DIS3L2: variants seen among roughly 807,000 people sequenced by gnomAD.
DIS3L2 encodes DIS3 like 3'-5' exoribonuclease 2.
DIS3L2 carries 34 observed loss-of-function variants against 97.5 expected under a neutral mutation model. The observed-to-expected ratio is 0.35, with a 90% CI of 0.27 to 0.46. DIS3L2 has a LOEUF of 0.46. Ranked by LOEUF, DIS3L2 falls within the 20% of genes least tolerant of loss-of-function variation. The pLI is 1.00. For missense variants in DIS3L2, 1,038 were observed against 1,146.0 expected (o/e 0.91, Z 1.36); for synonymous variants, 435 against 445.2 (o/e 0.98, Z 0.29).
intron 8 of DIS3L2, among the ~76,000 whole-genome samples, chr2:232,141,657 G>A (rs1439025994): frequency 6.6e-6 from 1 of 152,122 alleles, no homozygotes; most frequent in Non-Finnish European, 1.5e-5. Context: ...GGAGTGAGGT[G>A]AAAGCAGAGG....
chr2:232,100,831 A>G (rs3100589), intron 6 of DIS3L2, among the ~76,000 whole-genome samples: 70,574 of 142,780 alleles, frequency 0.49, 18,449 homozygotes, highest in Non-Finnish European at 0.61. Flanking sequence ...GTGTGTGTGT[A>G]TATATATCTC....
At chr2:232,081,637 C>G (rs945778954) in intron 5 of DIS3L2, among the ~76,000 whole-genome samples, 3 of 152,194 alleles carry the variant, frequency 2.0e-5, no homozygotes, top group Non-Finnish European at 4.4e-5. Context: ...AGAGAAGCCC[C>G]TTTATGATAC....
At chr2:232,319,720 T>G (rs573486230) in intron 14 of DIS3L2, among the ~76,000 whole-genome samples, 64 of 152,328 alleles carry the variant, frequency 4.2e-4, no homozygotes, top group African/African-American at 1.4e-3. Flanking sequence ...AGAGCTTTCT[T>G]AATGCATCTG....
At chr2:232,081,281 G>C (rs1696384564) in intron 5 of DIS3L2, among the ~76,000 whole-genome samples, 1 of 151,976 alleles carries the variant, frequency 6.6e-6, no homozygotes, top group Non-Finnish European at 1.5e-5. Flanking sequence ...TTGCCTCTCT[G>C]GTCCATCCAT....
chr2:232,294,750 C>G (rs1247212217), intron 13 of DIS3L2, among the ~76,000 whole-genome samples: 3 of 152,188 alleles, frequency 2.0e-5, no homozygotes, highest in Non-Finnish European at 4.4e-5. Flanking sequence ...GTGCCACTTA[C>G]TTGGTAATTT....
chr2:232,254,503 C>T (rs1027729189), intron 12 of DIS3L2, among the ~76,000 whole-genome samples: 8 of 151,928 alleles, frequency 5.3e-5, no homozygotes, highest in African/African-American at 1.7e-4. Context: ...TTTTTGAAAA[C>T]GTGTAGCTTT....
chr2:232,249,412 A>C, intron 12 of DIS3L2, 66 bp downstream of exon 12: 1 of 1,511,338 alleles, frequency 6.6e-7, no homozygotes, highest in South Asian at 1.2e-5. Flanking sequence ...TGAAGCACTC[A>C]CCATGTGCCT....
intron 13 of DIS3L2, among the ~76,000 whole-genome samples, chr2:232,277,410 T>C (rs1449640256): frequency 1.3e-5 from 2 of 152,226 alleles, no homozygotes; most frequent in African/African-American, 4.8e-5. Flanking sequence ...AATACTCTTA[T>C]GCATAAAATT....
At chr2:232,312,476 C>T (rs534548470) in intron 14 of DIS3L2, among the ~76,000 whole-genome samples, 1 of 152,282 alleles carries the variant, frequency 6.6e-6, no homozygotes, top group Non-Finnish European at 1.5e-5. Flanking sequence ...ATTCTTGTAC[C>T]AGTACCACAC....
At chr2:232,219,427 C>G (rs889135503) in intron 10 of DIS3L2, among the ~76,000 whole-genome samples, 1 of 152,106 alleles carries the variant, frequency 6.6e-6, no homozygotes, top group South Asian at 2.1e-4. Flanking sequence ...TTGCCTTGCC[C>G]CTTTATTTCC....
intron 6 of DIS3L2, among the ~76,000 whole-genome samples, chr2:232,127,194 T>C (rs1244929444): frequency 6.6e-6 from 1 of 152,206 alleles, no homozygotes; most frequent in African/African-American, 2.4e-5. Flanking sequence ...GTCTGTTTTC[T>C]GAGTTCCAGA....
intron 10 of DIS3L2, among the ~76,000 whole-genome samples, chr2:232,217,182 G>C (rs921096769): frequency 2.0e-5 from 3 of 152,124 alleles, no homozygotes; most frequent in African/African-American, 4.8e-5. Context: ...AGACATAGTT[G>C]ATGGGTCCCT....
chr2:232,061,090 C>G (rs1181793701), intron 5 of DIS3L2, among the ~76,000 whole-genome samples: 1 of 152,162 alleles, frequency 6.6e-6, no homozygotes, highest in African/African-American at 2.4e-5. Flanking sequence ...ATATTATCTG[C>G]AAACAAGAAT....
intron 9 of DIS3L2, among the ~76,000 whole-genome samples, chr2:232,170,896 TATA>T (rs1690967107): frequency 6.6e-6 from 1 of 152,204 alleles, no homozygotes; most frequent in Middle Eastern, 3.2e-3. Context: ...AGGAGAGTCA[TATA>T]ATACTAACCT....
chr2:232,073,607 TTC>T (rs1696098491), intron 5 of DIS3L2, among the ~76,000 whole-genome samples: 1 of 152,190 alleles, frequency 6.6e-6, no homozygotes, highest in Non-Finnish European at 1.5e-5. Context: ...GAAAGGTTTT[TTC>T]TATATCAGTA....
chr2:232,086,611 GTGTATATATATATATATACACA>G (rs1559613152), intron 5 of DIS3L2, among the ~76,000 whole-genome samples: 19 of 58,050 alleles, frequency 3.3e-4, no homozygotes, highest in South Asian at 2.0e-3. Flanking sequence ...ATGTGTGTGT[GTGTATATATATATATATACACA>G]TATATATATA....
intron 6 of DIS3L2, among the ~76,000 whole-genome samples, chr2:232,102,476 T>G (rs1697231464): frequency 6.6e-6 from 1 of 152,220 alleles, no homozygotes; most frequent in Non-Finnish European, 1.5e-5. Context: ...ATGTCCTTAT[T>G]TTTAGGAGAT....
intron 5 of DIS3L2, among the ~76,000 whole-genome samples, chr2:232,073,635 A>C (rs1462727620): frequency 6.6e-6 from 1 of 152,194 alleles, no homozygotes; most frequent in Non-Finnish European, 1.5e-5. Context: ...GGAAGCTATG[A>C]AATGTTTCAT....
At chr2:232,096,699 T>A (rs183800938) in intron 6 of DIS3L2, among the ~76,000 whole-genome samples, 1 of 151,830 alleles carries the variant, frequency 6.6e-6, no homozygotes, top group East Asian at 2.0e-4. Context: ...TCAGTTTTGC[T>A]ATTAAAAGAC....
Sources: gnomAD v4.1 joint callset for allele counts (sites outside exome capture counted in the v4.1 genomes callset) on GRCh38, gnomAD v4.1.1 for gene constraint, MANE v1.5 for transcripts, NCBI Gene and HGNC (gene_info 2026-07-23, HGNC 2026-07-21) for gene names.